RGL3: variants seen among roughly 807,000 people sequenced by gnomAD.
The protein encoded by RGL3 is ral guanine nucleotide dissociation stimulator-like 3.
RGL3 carries 85 observed loss-of-function variants against 90.6 expected under a neutral mutation model. The ratio of observed to expected loss-of-function variants is 0.94; its 90% CI spans 0.79 to 1.12. The LOEUF is 1.12. Ranked by LOEUF, RGL3 falls within the 50% of genes most tolerant of loss-of-function variation. The pLI is 0.00. For synonymous variants in RGL3, 408 were observed against 385.5 expected, an observed-to-expected ratio of 1.06 and a Z score of -0.68; for missense variants, 1,034 against 939.2, an observed-to-expected ratio of 1.10 and a Z score of -1.32.
At position 11,416,388 on chromosome 19, in the gene RGL3, A is replaced by G. The variant is rs1363978744; in HGVS notation, c.425+226T>C. On this transcript the variant is annotated intron_variant, in intron 4 of 18. Coordinates refer to ENST00000380456, the MANE Select transcript of RGL3 (RefSeq NM_001035223.4). ...TTGTTGTTGTATTTTTAGTAGAGACAGGGTTTCGCCATATTGGCCAGGATG... is the reference window on the plus strand; with the variant it reads ...TTGTTGTTGTATTTTTAGTAGAGACGGGGTTTCGCCATATTGGCCAGGATG... 6 of 619,408 alleles carry G rather than the reference A, an allele frequency of 9.7e-6. No individual in the cohort carries two copies. In the South Asian group the frequency reaches 9.9e-5, roughly 10 times the overall value. 38.4% of individuals were successfully genotyped at this position (619,408 alleles called of 1,614,324 possible).
intron 18 of RGL3, among the ~76,000 whole-genome samples, chr19:11,396,134 CTCTA>C (rs1295930312): frequency 0.01 from 305 of 29,426 alleles, 2 homozygotes; most frequent in African/African-American, 0.017. Flanking sequence ...CTCTCTCTCT[CTCTA>C]TATATATATA....
At chr19:11,401,289 C>G (rs369580034) in intron 13 of RGL3, among the ~76,000 whole-genome samples, 1 of 148,394 alleles carries the variant, frequency 6.7e-6, no homozygotes, top group Middle Eastern at 3.5e-3. Flanking sequence ...ACTGCAGTGG[C>G]GTGATTTTGG....
In RGL3 at chr19:11,402,212, CA is replaced by C; in HGVS notation, c.1362+2del. The stretch of plus-strand genomic sequence containing the variant: ...CACCACACCCACTGTAGCCTCCACT[CA>C]CCTTCCTCCTCTTCTCAAAGTTAAT... On this transcript the variant is annotated splice_donor_variant, in intron 12 of 18. Transcript: ENST00000380456. LOFTEE classifies it high-confidence loss of function. The C allele has an allele frequency of 6.2e-7, 1 of 1,613,276 alleles. No individual in the cohort carries two copies. Among genetic ancestry groups the C allele is most frequent in the Non-Finnish European group, 8.5e-7 (1 of 1,179,714 alleles).
At chr19:11,410,347 C>G (rs1968852110) in intron 5 of RGL3, among the ~76,000 whole-genome samples, 1 of 151,648 alleles carries the variant, frequency 6.6e-6, no homozygotes, top group African/African-American at 2.4e-5. Flanking sequence ...GTGTAATTAC[C>G]TCTTTCATCT....
chr19:11,397,157 G>A lies in RGL3; in HGVS notation c.2014+87C>T, dbSNP rs316502. ...GCACCTCACAGCCCTGTGAACCCGG[G>A]TAACCTTGGGCTCCATCCTTGGGCG... On this transcript the variant is annotated intron_variant, in intron 18 of 18. Transcript: ENST00000380456. The A allele has an allele frequency of 9.4e-4, 1,044 of 1,105,694 alleles. 5 individuals carry two copies. In the African/African-American group the frequency reaches 0.013, roughly 14 times the overall value. 68.5% of individuals were successfully genotyped at this position (1,105,694 alleles called of 1,614,324 possible).
rs1968982956 is a variant in RGL3 at position 11,415,842 on chromosome 19, G to C, written c.637+95C>G. 2.7e-6 allele frequency: 3 copies of C among 1,127,680 alleles called. No homozygotes were observed. In the Admixed American group the frequency reaches 7.1e-5, roughly 27 times the overall value. 69.9% of individuals were successfully genotyped at this position (1,127,680 alleles called of 1,614,324 possible). A position where few individuals can be genotyped will look rare whatever the true frequency, so the allele number is the denominator to read the frequency against. ...GCTTAGAGTTTAAAATCTTGCTTAA[G>C]TTTTGTAGCTCTGAGAGGGGAGAGA... is the stretch of plus-strand genomic sequence containing the variant. On this transcript the variant is annotated intron_variant, in intron 5 of 18. Transcript: ENST00000380456.
intron 1 of RGL3, 92 bp downstream of exon 1, chr19:11,419,154 G>A (rs1163899689): frequency 6.4e-6 from 9 of 1,397,792 alleles, no homozygotes; most frequent in South Asian, 2.5e-5. Flanking sequence ...GTTCAGATTG[G>A]GAGCAGATAC....
chr19:11,404,184 A>G (rs1968729229), intron 9 of RGL3, among the ~76,000 whole-genome samples: 1 of 152,104 alleles, frequency 6.6e-6, no homozygotes, highest in Non-Finnish European at 1.5e-5. Context: ...AGCCCAGCTC[A>G]CGTGCTGTTC....
chr19:11,395,219 T>TA (rs1386379277), intron 18 of RGL3, among the ~76,000 whole-genome samples: 4 of 129,482 alleles, frequency 3.1e-5, no homozygotes, highest in Non-Finnish European at 6.4e-5. Flanking sequence ...CCACAACCAC[T>TA]CCCAGCCAAT....
intron 18 of RGL3, 47 bp from the exon 19 acceptor site, chr19:11,394,567 T>G (rs1198806360): frequency 6.9e-7 from 1 of 1,452,430 alleles, no homozygotes; most frequent in South Asian, 1.1e-5. Context: ...CAACCTTGTG[T>G]CACCCCCACA....
At chr19:11,415,295 C>T (rs1411144617) in intron 5 of RGL3, among the ~76,000 whole-genome samples, 2 of 151,814 alleles carry the variant, frequency 1.3e-5, no homozygotes, top group Non-Finnish European at 2.9e-5. Context: ...GTTGAGCCTG[C>T]ACTGAGCCAT....
intron 4 of RGL3, 66 bp from the exon 5 acceptor site, chr19:11,416,214 AC>A: frequency 3.3e-6 from 3 of 922,752 alleles, no homozygotes; most frequent in Non-Finnish European, 4.5e-6. Context: ...GACTCCTGGT[AC>A]CTTTTTTTTT....
At chr19:11,408,518 G>A (rs988258685) in intron 5 of RGL3, among the ~76,000 whole-genome samples, 6 of 151,968 alleles carry the variant, frequency 3.9e-5, no homozygotes, top group Non-Finnish European at 8.8e-5. Flanking sequence ...CCCTGGAGAC[G>A]GAGCTTGCAG....
chr19:11,407,631 G>A (rs954231987), intron 5 of RGL3, among the ~76,000 whole-genome samples: 7 of 151,502 alleles, frequency 4.6e-5, no homozygotes, highest in African/African-American at 1.7e-4. Flanking sequence ...CTCAAACTCA[G>A]ATGCAAACTC....
At chr19:11,410,691 C>A (rs551413978) in intron 5 of RGL3, among the ~76,000 whole-genome samples, 1 of 151,560 alleles carries the variant, frequency 6.6e-6, no homozygotes, top group East Asian at 2.0e-4. Flanking sequence ...CTCCTCCCCC[C>A]ACCCCAAAAA....
rs201846941 is a variant in RGL3 at position 11,418,798 on chromosome 19, C to A, written c.34-14G>T. The A allele has an allele frequency of 2.6e-6, 4 of 1,534,316 alleles. No individual in the cohort carries two copies. In the South Asian group the frequency reaches 4.8e-5, roughly 18 times the overall value. On this transcript the variant is annotated splice_polypyrimidine_tract_variant and intron_variant, in intron 1 of 18. Coordinates refer to ENST00000380456, the MANE Select transcript of RGL3 (RefSeq NM_001035223.4). ...CTGCAGCGGTGCCTGGACGCACAGG[C>A]GGACTCAGGGCACCAAAGGGGCACA...
intron 5 of RGL3, among the ~76,000 whole-genome samples, chr19:11,414,176 T>TATATATATATATATATATAC (rs1491114343): frequency 1.3e-5 from 1 of 75,020 alleles, no homozygotes; most frequent in African/African-American, 5.3e-5. Context: ...TATATATATA[T>TATATATATATATATATATAC]ACACCTATAT....
chr19:11,399,147 C>T (rs1051538147), intron 16 of RGL3, among the ~76,000 whole-genome samples: 24 of 152,026 alleles, frequency 1.6e-4, no homozygotes, highest in African/African-American at 5.8e-4. Context: ...ACTATGTTGC[C>T]CAGGCTGGTC....
chr19:11,398,251 T>C (rs541699897), intron 16 of RGL3, among the ~76,000 whole-genome samples: 10 of 152,296 alleles, frequency 6.6e-5, no homozygotes, highest in Admixed American at 1.3e-4. Context: ...ACAGCGGTTA[T>C]ACACCCACAG....
Sources: gnomAD v4.1 joint callset for allele counts (sites outside exome capture counted in the v4.1 genomes callset) on GRCh38, gnomAD v4.1.1 for gene constraint, MANE v1.5 for transcripts, NCBI Gene and HGNC (gene_info 2026-07-23, HGNC 2026-07-21) for gene names.